Variants in ABCA10 observed in about 807,000 individuals in gnomAD.
The protein encoded by ABCA10 is ATP-binding cassette sub-family A member 10.
Under a neutral mutation model 187.5 loss-of-function variants are expected in ABCA10, and 169 were observed. The ratio of observed to expected loss-of-function variants is 0.90; its 90% CI spans 0.80 to 1.02. ABCA10 has a LOEUF of 1.02. Ranked by LOEUF, ABCA10 falls within the 50% of genes least tolerant of loss-of-function variation. ABCA10 has a pLI of 0.00. For synonymous variants in ABCA10, 574 were observed against 601.8 expected (o/e 0.95, Z 0.68); for missense variants, 1,727 against 1,812.4 (o/e 0.95, Z 0.86).
rs904527961 is a variant in ABCA10, at chr17:69,191,308, T to C, written c.1879A>G (p.Arg627Gly). ...WGIGYHLSLH[R>G]NEMCDTEKIT... ...TTTTCTGTGTCACACATTTCATTCC[T>C]GTGTAAACTATTATTTCAAAAGAGC... The change falls in exon 17 of 39, where the codon AGG (arginine) becomes GGG (glycine). Residue 627 changes from arginine (R) to glycine (G), a missense_variant. Physicochemically the swap from Arg to Gly is moderately radical, Grantham distance 125. Transcript: ENST00000690296. 6.4e-7 allele frequency: 1 copy of C among 1,550,974 alleles called. No individual in the cohort carries two copies. The highest frequency in any genetic ancestry group is 8.7e-7 in the Non-Finnish European group (1 of 1,145,226).
intron 1 of ABCA10, among the ~76,000 whole-genome samples, chr17:69,244,077 ATAAATATGTAAGTAGTGT>A (rs2074924424): frequency 6.6e-6 from 1 of 152,216 alleles, no homozygotes; most frequent in Non-Finnish European, 1.5e-5. Flanking sequence ...AAGGAAAGTG[ATAAATATGTAAGTAGTGT>A]TAAATATCTG....
Position 69,185,623 on chromosome 17 carries a change from G to A in ABCA10, c.2351C>T (p.Ala784Val). Residue 784 changes from alanine (A) to valine (V), a missense_variant, in exon 20 of 39, where the codon GCT (alanine) becomes GTT (valine). Physicochemically the swap from Ala to Val is moderately conservative, Grantham distance 64 (BLOSUM62 0). Transcript: ENST00000690296. ...LLCLLLVLGI[A>V]FIPIILEKIM... ...CTTCTCTAGAATGATGGGGATAAAAGCAATTCCAAGTACTAGTAACCTAAG... is the reference window on the plus strand; with the variant it reads ...CTTCTCTAGAATGATGGGGATAAAAACAATTCCAAGTACTAGTAACCTAAG... 1 of 1,607,756 alleles carries A rather than the reference G, an allele frequency of 6.2e-7. No individual in the cohort carries two copies. Among genetic ancestry groups the A allele is most frequent in the Non-Finnish European group, 8.5e-7 (1 of 1,176,206 alleles).
chr17:69,220,005 G>A (rs1220166990), intron 5 of ABCA10, among the ~76,000 whole-genome samples: 1 of 152,060 alleles, frequency 6.6e-6, no homozygotes, highest in Admixed American at 6.6e-5. Flanking sequence ...TACGTAATGG[G>A]GAAACAGCAG....
At chr17:69,178,281 T>C (rs1025967243) in intron 22 of ABCA10, among the ~76,000 whole-genome samples, 1 of 152,038 alleles carries the variant, frequency 6.6e-6, no homozygotes, top group Admixed American at 6.6e-5. Flanking sequence ...ATGACAGCTT[T>C]AGAAGACACC....
intron 9 of ABCA10, among the ~76,000 whole-genome samples, chr17:69,210,520 A>G (rs2074634816): frequency 6.6e-6 from 1 of 151,920 alleles, no homozygotes; most frequent in Non-Finnish European, 1.5e-5. Context: ...TTTGGTGTAC[A>G]CATCACCTGA....
intron 27 of ABCA10, among the ~76,000 whole-genome samples, chr17:69,162,645 T>C (rs11657620): frequency 0.3 from 45,755 of 151,840 alleles, 8,616 homozygotes; most frequent in Non-Finnish European, 0.42. Context: ...TTAAAATATA[T>C]GTAAATGGCA....
chr17:69,232,431 C>CA (rs376829421), upstream of ABCA10, among the ~76,000 whole-genome samples: 33 of 151,342 alleles, frequency 2.2e-4, no homozygotes, highest in African/African-American at 6.5e-4. Flanking sequence ...GTAAGGCTGA[C>CA]AAAAAAACAT....
chr17:69,180,762 C>G (rs1282771118), intron 22 of ABCA10, among the ~76,000 whole-genome samples: 1 of 152,174 alleles, frequency 6.6e-6, no homozygotes, highest in African/African-American at 2.4e-5. Context: ...CACCCTATCT[C>G]ATTCGCAGAA....
chr17:69,222,440 T>C (rs1373783124), intron 4 of ABCA10, 93 bp downstream of exon 4: 4 of 1,035,006 alleles, frequency 3.9e-6, no homozygotes, highest in Non-Finnish European at 5.4e-6. Context: ...ATTAATTCTT[T>C]ACTTGGTTGT....
chr17:69,240,943 C>T (rs2074899982), intron 1 of ABCA10, among the ~76,000 whole-genome samples: 1 of 152,188 alleles, frequency 6.6e-6, no homozygotes, highest in South Asian at 2.1e-4. Context: ...CCTTGCTGTA[C>T]CATCAATACC....
At chr17:69,184,871 G>GTGTGTGTGTA (rs375695391) in intron 20 of ABCA10, among the ~76,000 whole-genome samples, 2 of 148,062 alleles carry the variant, frequency 1.4e-5, no homozygotes, top group African/African-American at 5.0e-5. Context: ...GTGTGTGTGT[G>GTGTGTGTGTA]TATATATATA....
chr17:69,185,897 C>A (rs1647955623), intron 19 of ABCA10, among the ~76,000 whole-genome samples: 1 of 152,066 alleles, frequency 6.6e-6, no homozygotes, highest in African/African-American at 2.4e-5. Flanking sequence ...CAATCCTCTG[C>A]AGGTATGCTG....
At chr17:69,195,554 CTTT>C (rs59069489) in intron 11 of ABCA10, among the ~76,000 whole-genome samples, 1 of 102,952 alleles carries the variant, frequency 9.7e-6, no homozygotes, top group Non-Finnish European at 1.8e-5. Flanking sequence ...TGAAGTTTTT[CTTT>C]TTTTTTTTTT....
intron 27 of ABCA10, among the ~76,000 whole-genome samples, chr17:69,157,174 GA>G (rs1212961805): frequency 6.6e-6 from 1 of 151,874 alleles, no homozygotes; most frequent in Non-Finnish European, 1.5e-5. Flanking sequence ...AAAAAGCATA[GA>G]AGAGCTAATA....
chr17:69,193,663 G>C, intron 13 of ABCA10, 51 bp from the exon 14 acceptor site: 1 of 1,552,012 alleles, frequency 6.4e-7, no homozygotes, highest in Middle Eastern at 1.7e-4. Flanking sequence ...ACTTTAAGGA[G>C]TTTTTACTCT....
At chr17:69,154,398 A>G (rs1184266482) in intron 30 of ABCA10, 72 bp from the exon 31 acceptor site, 2 of 1,126,324 alleles carry the variant, frequency 1.8e-6, no homozygotes, top group African/African-American at 1.6e-5. Context: ...GGTTGGTTGC[A>G]TAACATTTTG....
At chr17:69,190,242 T>A (rs1288308191) in intron 18 of ABCA10, 116 bp downstream of exon 18, 81 of 1,152,982 alleles carry the variant, frequency 7.0e-5, no homozygotes, top group Non-Finnish European at 9.2e-5. Flanking sequence ...CTATTTTCTA[T>A]CTAATGCATA....
chr17:69,169,353 T>C (rs1454910577), intron 25 of ABCA10, among the ~76,000 whole-genome samples: 1 of 152,186 alleles, frequency 6.6e-6, no homozygotes, highest in African/African-American at 2.4e-5. Flanking sequence ...ACCATGAACT[T>C]ATATATACAA....
intron 9 of ABCA10, 119 bp from the exon 10 acceptor site, chr17:69,201,787 T>C (rs2074547813): frequency 3.3e-6 from 3 of 918,508 alleles, no homozygotes; most frequent in Non-Finnish European, 4.5e-6. Flanking sequence ...GGCATTTATA[T>C]TTATAATTTT....
Sources: gnomAD v4.1 joint callset for allele counts (sites outside exome capture counted in the v4.1 genomes callset) on GRCh38, gnomAD v4.1.1 for gene constraint, MANE v1.5 for transcripts, NCBI Gene and HGNC (gene_info 2026-07-23, HGNC 2026-07-21) for gene names.